OPHN1: variants seen among roughly 807,000 people sequenced by gnomAD.
OPHN1 encodes the protein oligophrenin-1.
In OPHN1, 11 loss-of-function variants were observed where a neutral mutation model predicts 60.7. The observed-to-expected ratio is 0.18, with a 90% CI of 0.11 to 0.30. The LOEUF (loss-of-function observed/expected upper bound fraction) is 0.30. Among genes scored for constraint, OPHN1 ranks in the 10% least tolerant of loss-of-function variants. The pLI is 1.00. For missense variants in OPHN1, 449 were observed against 611.0 expected, an observed-to-expected ratio of 0.73 and a Z score of 2.80; for synonymous variants, 226 against 222.6, an observed-to-expected ratio of 1.02 and a Z score of -0.14.
chrX:68,430,323 T>C (rs932694339), intron 2 of OPHN1, among the ~76,000 whole-genome samples: 1 of 111,557 alleles, frequency 9.0e-6, no homozygotes, highest in Non-Finnish European at 1.9e-5. Context: ...ATCCATGCAA[T>C]TGAATGGAAA....
intron 2 of OPHN1, among the ~76,000 whole-genome samples, chrX:68,399,016 C>A (rs1363436287): frequency 3.7e-5 from 4 of 108,190 alleles, no homozygotes; most frequent in African/African-American, 6.8e-5. Context: ...ATATGCCAAA[C>A]CTTCTCCACA....
At chrX:68,345,555 T>A (rs751709607) in intron 2 of OPHN1, among the ~76,000 whole-genome samples, 7 of 112,036 alleles carry the variant, frequency 6.2e-5, no homozygotes, top group Admixed American at 4.8e-4. Context: ...ATAAAGTCTG[T>A]AGATTAGAAA....
At chrX:68,125,363 T>A (rs5965501) in intron 15 of OPHN1, among the ~76,000 whole-genome samples, 1 of 111,383 alleles carries the variant, frequency 9.0e-6, no homozygotes, top group African/African-American at 3.3e-5. Context: ...GAATTTGACA[T>A]GATAATAATA....
chrX:68,271,389 T>G (rs941360014), intron 5 of OPHN1, among the ~76,000 whole-genome samples: 3 of 106,118 alleles, frequency 2.8e-5, no homozygotes, highest in Non-Finnish European at 5.8e-5. Flanking sequence ...AAAAAAAAAT[T>G]AGCCAGGCAT....
intron 2 of OPHN1, among the ~76,000 whole-genome samples, chrX:68,328,080 C>T (rs1176188432): frequency 9.9e-6 from 1 of 101,199 alleles, no homozygotes; most frequent in Non-Finnish European, 2.0e-5. Context: ...CCACCCGCCT[C>T]GGCCTCCCAA....
chrX:68,069,011 C>A (rs766093434), intron 20 of OPHN1, among the ~76,000 whole-genome samples: 1 of 111,884 alleles, frequency 8.9e-6, no homozygotes, highest in East Asian at 2.8e-4. Context: ...TTACTAAAAA[C>A]CATTAAACTG....
intron 10 of OPHN1, among the ~76,000 whole-genome samples, chrX:68,205,031 G>C (rs1313095845): frequency 8.9e-6 from 1 of 112,102 alleles, no homozygotes; most frequent in African/African-American, 3.2e-5. Flanking sequence ...GCTAAGTTCT[G>C]ACTGACTTGG....
intron 21 of OPHN1, among the ~76,000 whole-genome samples, chrX:68,058,667 A>G: frequency 8.9e-6 from 1 of 111,984 alleles, no homozygotes; most frequent in Middle Eastern, 4.7e-3. Context: ...GCCATTTCCT[A>G]AGAGGTTGTT....
Position 68,274,796 on chromosome X carries a change from C to T in OPHN1, c.326G>A (p.Ser109Asn). ...NERMMMVHNA[S>N]DLLIKPLENF... ...TTCCAAGGGTTTAATCAGCAAATCA[C>T]TAGCATTGTGTACCTAGACAAAAAG... The change falls in exon 5 of 25, where the codon AGT becomes AAT. Residue 109 changes from serine to asparagine, a missense_variant. Transcript: ENST00000355520. 1 of 1,201,289 alleles carries T rather than the reference C, an allele frequency of 8.3e-7. No individual in the cohort carries two copies.
chrX:68,399,721 G>T (rs1385070679), intron 2 of OPHN1, among the ~76,000 whole-genome samples: 1 of 110,384 alleles, frequency 9.1e-6, no homozygotes. Context: ...CCCTCTGAGG[G>T]GTTCACGCTA....
intron 19 of OPHN1, among the ~76,000 whole-genome samples, chrX:68,091,560 G>C (rs981799780): frequency 1.8e-5 from 2 of 111,333 alleles, no homozygotes; most frequent in African/African-American, 3.3e-5. Flanking sequence ...GCGAAAAGAG[G>C]CTTCATATAA....
intron 2 of OPHN1, among the ~76,000 whole-genome samples, chrX:68,365,144 C>T (rs747745778): frequency 9.0e-6 from 1 of 111,686 alleles, no homozygotes; most frequent in African/African-American, 3.2e-5. Context: ...AGGAGAAATG[C>T]ATTTAAACAA....
chrX:68,335,630 G>T (rs2078318526), intron 2 of OPHN1, among the ~76,000 whole-genome samples: 1 of 111,716 alleles, frequency 9.0e-6, no homozygotes, highest in African/African-American at 3.3e-5. Context: ...TATAGTCCTT[G>T]GTTTATTATC....
At chrX:68,351,674 G>A (rs2078411329) in intron 2 of OPHN1, among the ~76,000 whole-genome samples, 1 of 110,657 alleles carries the variant, frequency 9.0e-6, no homozygotes, top group African/African-American at 3.3e-5. Flanking sequence ...CCAAAGAAAT[G>A]TTTGGTTTTC....
chrX:68,075,027 T>C (rs2076948615), intron 19 of OPHN1, among the ~76,000 whole-genome samples: 1 of 112,357 alleles, frequency 8.9e-6, no homozygotes, highest in African/African-American at 3.2e-5. Flanking sequence ...TCATTTAGCC[T>C]GAAACAAGTA....
chrX:68,148,692 G>C (rs2077273596), intron 15 of OPHN1, among the ~76,000 whole-genome samples: 1 of 111,210 alleles, frequency 9.0e-6, no homozygotes, highest in Admixed American at 9.6e-5. Context: ...AGTAATCACA[G>C]TAACTGTTAA....
At chrX:68,107,226 T>G (rs2147421838) in intron 18 of OPHN1, among the ~76,000 whole-genome samples, 1 of 111,626 alleles carries the variant, frequency 9.0e-6, no homozygotes, top group African/African-American at 3.2e-5. Flanking sequence ...GCTGCGTTTT[T>G]CAAATTTGGA....
intron 2 of OPHN1, among the ~76,000 whole-genome samples, chrX:68,347,992 T>C (rs1367450653): frequency 8.9e-6 from 1 of 112,040 alleles, no homozygotes; most frequent in South Asian, 3.8e-4. Context: ...ACCTGGACTC[T>C]AGTCCTGATG....
intron 2 of OPHN1, among the ~76,000 whole-genome samples, chrX:68,346,808 G>A (rs1034797997): frequency 9.0e-6 from 1 of 111,620 alleles, no homozygotes; most frequent in Non-Finnish European, 1.9e-5. Flanking sequence ...GTTTGCACAC[G>A]GGGAACCCAC....
Sources: gnomAD v4.1 joint callset for allele counts (sites outside exome capture counted in the v4.1 genomes callset) on GRCh38, gnomAD v4.1.1 for gene constraint, MANE v1.5 for transcripts, NCBI Gene and HGNC (gene_info 2026-07-23, HGNC 2026-07-21) for gene names.